DYNC2H1: variants seen among roughly 807,000 people sequenced by gnomAD.
DYNC2H1 encodes the protein dynein cytoplasmic 2 heavy chain 1.
In DYNC2H1, 410 loss-of-function variants were observed where a neutral mutation model predicts 570.0. The observed-to-expected ratio is 0.72, with a 90% CI of 0.66 to 0.78. The LOEUF is 0.78. Ranked by LOEUF, DYNC2H1 falls within the 30% of genes least tolerant of loss-of-function variation. The pLI is 0.00. For missense variants in DYNC2H1, 4,865 were observed against 5,046.4 expected, an observed-to-expected ratio of 0.96 and a Z score of 1.09; for synonymous variants, 1,688 against 1,677.6, an observed-to-expected ratio of 1.01 and a Z score of -0.15.
At chr11:103,388,373 A>T (rs1038952201) in intron 83 of DYNC2H1, among the ~76,000 whole-genome samples, 1 of 152,196 alleles carries the variant, frequency 6.6e-6, no homozygotes, top group African/African-American at 2.4e-5. Context: ...GACTTTGCTG[A>T]AGTTGCTTAT....
chr11:103,297,567 G>C (rs1866886570), intron 75 of DYNC2H1, among the ~76,000 whole-genome samples: 1 of 152,084 alleles, frequency 6.6e-6, no homozygotes, highest in Admixed American at 6.6e-5. Flanking sequence ...TTACTGTACT[G>C]AATGCTATAG....
At chr11:103,220,517 A>G in intron 56 of DYNC2H1, 106 bp from the exon 57 acceptor site, 1 of 1,095,204 alleles carries the variant, frequency 9.1e-7, no homozygotes, top group Admixed American at 2.6e-5. Context: ...GAACATTAGT[A>G]ACTATAGTCA....
At chr11:103,348,741 GT>G (rs1431976636) in intron 82 of DYNC2H1, among the ~76,000 whole-genome samples, 1 of 151,978 alleles carries the variant, frequency 6.6e-6, no homozygotes, top group Non-Finnish European at 1.5e-5. Flanking sequence ...CTCTGATATG[GT>G]TTGGCTGTGC....
At chr11:103,358,219 G>C in intron 82 of DYNC2H1, 24 bp from the exon 83 acceptor site, 1 of 1,355,482 alleles carries the variant, frequency 7.4e-7, no homozygotes. Context: ...TTTATTTGTT[G>C]ATACTTATTA....
intron 12 of DYNC2H1, among the ~76,000 whole-genome samples, chr11:103,125,806 G>C (rs576244734): frequency 7.5e-4 from 114 of 152,264 alleles, no homozygotes; most frequent in African/African-American, 2.7e-3. Context: ...ACTGGTTTTG[G>C]CCTTTACTAC....
At chr11:103,375,656 T>C (rs928953410) in intron 83 of DYNC2H1, among the ~76,000 whole-genome samples, 1 of 152,232 alleles carries the variant, frequency 6.6e-6, no homozygotes, top group African/African-American at 2.4e-5. Flanking sequence ...ATTTTGGACT[T>C]GCATGGGGCC....
chr11:103,256,057 G>T lies in DYNC2H1; in HGVS notation c.10327-49G>T. 1.4e-6 allele frequency: 2 copies of T among 1,473,550 alleles called. No homozygotes were observed. Among genetic ancestry groups the T allele is most frequent in the Non-Finnish European group, 1.8e-6 (2 of 1,095,836 alleles). The allele number at this position is 1,473,550 out of a possible 1,614,324, so 91.3% of individuals were successfully genotyped here. A position where few individuals can be genotyped will look rare whatever the true frequency, so the allele number is the denominator to read the frequency against. Reference sequence around the variant, plus strand: ...AGTTAATATGGGTTTGCTTTAATTGGTTATTTTTATATGTATAATAATATT... The same window carrying T: ...AGTTAATATGGGTTTGCTTTAATTGTTTATTTTTATATGTATAATAATATT... On this transcript the variant is annotated intron_variant, in intron 67 of 88. Coordinates refer to ENST00000375735, the MANE Select transcript of DYNC2H1 (RefSeq NM_001377.3). This position sits in a 1 kb window ranked among gnomAD's most constrained non-coding sequence, Gnocchi z 4.0.
rs66628059 is a variant in DYNC2H1 at position 103,453,615 on chromosome 11, C to CATATATATATATATATAT, written c.12457-1561_12457-1544dup. On this transcript the variant is annotated intron_variant, in intron 85 of 88. Coordinates refer to ENST00000375735, the MANE Select transcript of DYNC2H1 (RefSeq NM_001377.3). ...TGATTATCAGCCATGTTAGTTTAGA[C>CATATATATATATATATAT]ATATATATATATATATATATATATA... Among the ~76,000 whole-genome samples, 265 of 136,558 alleles carry CATATATATATATATATAT rather than the reference C, an allele frequency of 1.9e-3. 9 individuals carry two copies. The highest frequency in any genetic ancestry group is 7.0e-3 in the African/African-American group (243 of 34,796). 89.6% of individuals were successfully genotyped at this position (136,558 alleles called of 152,430 possible).
Position 103,152,706 on chromosome 11 carries a change from CTT to C in DYNC2H1, c.3096+423_3096+424del, listed in dbSNP as rs756302255. On this transcript the variant is annotated intron_variant, in intron 21 of 88. Coordinates refer to ENST00000375735, the MANE Select transcript of DYNC2H1 (RefSeq NM_001377.3). ...CTGCTATGGTGCCTCTGCTTCATAA[CTT>C]TGTCTGGGTCCTAGGTTTTGTCAAT... Among the ~76,000 whole-genome samples, 26 of 152,258 alleles carry C rather than the reference CTT, an allele frequency of 1.7e-4. 1 individual carries two copies. The highest frequency in any genetic ancestry group is 1.2e-3 in the East Asian group (6 of 5,190).
intron 70 of DYNC2H1, among the ~76,000 whole-genome samples, chr11:103,271,741 T>G (rs1865716592): frequency 6.6e-6 from 1 of 152,242 alleles, no homozygotes; most frequent in African/African-American, 2.4e-5. Context: ...AGGAATAAAC[T>G]AAGATTTACA....
chr11:103,437,012 A>G (rs1400237453), intron 85 of DYNC2H1, among the ~76,000 whole-genome samples: 6 of 152,118 alleles, frequency 3.9e-5, no homozygotes, highest in African/African-American at 9.7e-5. Flanking sequence ...TACAGTGTAC[A>G]GTGTACACTT....
At chr11:103,361,173 A>C (rs1214376548) in intron 83 of DYNC2H1, among the ~76,000 whole-genome samples, 1 of 152,246 alleles carries the variant, frequency 6.6e-6, no homozygotes, top group African/African-American at 2.4e-5. Context: ...TTGAAGTCTT[A>C]ACTCTCAAAG....
At position 103,222,095 on chromosome 11, in the gene DYNC2H1, A is replaced by T; in HGVS notation, c.9173A>T (p.Glu3058Val). 1 of 1,607,256 alleles carries T rather than the reference A, an allele frequency of 6.2e-7. No homozygotes were observed. Among genetic ancestry groups the T allele is most frequent in the Non-Finnish European group, 8.5e-7 (1 of 1,175,640 alleles). Residue 3058 changes from glutamate (E) to valine (V), a missense_variant, in exon 58 of 89, where the codon GAA (glutamate) becomes GTA (valine). Physicochemically the swap from Glu to Val is moderately radical, Grantham distance 121. Transcript: ENST00000375735. Reference sequence around the variant, plus strand: ...TTTGATGCCCGAAATATTTCAAAGGAAATAAGAGAGAGTGTTGAAGAACTT... The same window carrying T: ...TTTGATGCCCGAAATATTTCAAAGGTAATAAGAGAGAGTGTTGAAGAACTT... The part of the protein sequence containing the change: ...ATFDARNISK[E>V]IRESVEELLF...
rs633970 is a variant in DYNC2H1 at position 103,255,567 on chromosome 11, G to A, written c.10326+33G>A. On this transcript the variant is annotated intron_variant, in intron 67 of 88. Transcript: ENST00000375735. The stretch of plus-strand genomic sequence containing the variant: ...TCTAGCTATTTAGGTTACTTTTTTC[G>A]TATTACTTTTTTTTTAATGAATACA... 112,393 of 1,491,630 alleles carry A rather than the reference G, an allele frequency of 0.075. 4,750 individuals carry two copies. The highest frequency in any genetic ancestry group is 0.14 in the East Asian group (5,546 of 38,984). 92.4% of individuals were successfully genotyped at this position (1,491,630 alleles called of 1,614,324 possible).
chr11:103,296,576 A>G (rs980888099), intron 75 of DYNC2H1, among the ~76,000 whole-genome samples: 14 of 152,138 alleles, frequency 9.2e-5, no homozygotes, highest in Non-Finnish European at 1.8e-4. Flanking sequence ...CCATCAACAC[A>G]TCTACCATTT....
chr11:103,368,367 A>G (rs1321356129), intron 83 of DYNC2H1, among the ~76,000 whole-genome samples: 2 of 151,880 alleles, frequency 1.3e-5, no homozygotes, highest in African/African-American at 2.4e-5. Context: ...ACATTTTTTC[A>G]TACATCTGTT....
At chr11:103,408,801 G>A (rs1942972188) in intron 84 of DYNC2H1, among the ~76,000 whole-genome samples, 2 of 151,976 alleles carry the variant, frequency 1.3e-5, no homozygotes, top group Non-Finnish European at 2.9e-5. Flanking sequence ...TTAGACTAGT[G>A]CCATTTTAGT....
intron 84 of DYNC2H1, among the ~76,000 whole-genome samples, chr11:103,409,030 A>G (rs1942980307): frequency 6.6e-6 from 1 of 152,048 alleles, no homozygotes; most frequent in African/African-American, 2.4e-5. Flanking sequence ...GTCCCTATTT[A>G]GAGAACAAGT....
At chr11:103,340,396 C>A (rs576571135) in intron 82 of DYNC2H1, among the ~76,000 whole-genome samples, 1 of 103,654 alleles carries the variant, frequency 9.6e-6, no homozygotes, top group South Asian at 4.1e-4. Context: ...TTGAGAAAAT[C>A]TTGACATTAA....
Sources: allele counts gnomAD v4.1 joint callset (sites outside exome capture counted in the v4.1 genomes callset), GRCh38; gene constraint gnomAD v4.1.1; non-coding constraint Gnocchi (gnomAD v3.1); transcripts MANE v1.5; gene names NCBI Gene and HGNC (gene_info 2026-07-23, HGNC 2026-07-21).